The following WDFY3 variants were observed in gnomAD, a reference collection of about 807,000 sequenced individuals.
WDFY3 encodes WD repeat and FYVE domain containing 3.
A neutral mutation model predicts 409.6 loss-of-function variants in WDFY3; 66 were observed. The observed-to-expected ratio is 0.16, with a 90% CI of 0.13 to 0.20. The LOEUF is 0.20. Ranked by LOEUF, WDFY3 falls within the 10% of genes least tolerant of loss-of-function variation. The probability of loss-of-function intolerance (pLI) is 1.00; values close to 1 mark genes in which losing one functional copy is unlikely to be tolerated. For synonymous variants in WDFY3, 1,521 were observed against 1,537.1 expected, an observed-to-expected ratio of 0.99 and a Z score of 0.25; for missense variants, 3,031 against 4,298.1, an observed-to-expected ratio of 0.71 and a Z score of 8.24.
intron 61 of WDFY3, 95 bp downstream of exon 61, chr4:84,690,411 G>A (rs1446383676): frequency 1.3e-6 from 2 of 1,559,436 alleles, no homozygotes. Flanking sequence ...TAGATCTGAA[G>A]TACCTCAGAA....
At chr4:84,702,618 C>T in intron 55 of WDFY3, 112 bp from the exon 56 acceptor site, 2 of 882,070 alleles carry the variant, frequency 2.3e-6, no homozygotes, top group South Asian at 5.9e-5. Context: ...TTCAATTTCC[C>T]ATTATCCTAC....
At chr4:84,675,437 C>T (rs747490545) in intron 67 of WDFY3, among the ~76,000 whole-genome samples, 1 of 152,308 alleles carries the variant, frequency 6.6e-6, no homozygotes, top group Non-Finnish European at 1.5e-5. Flanking sequence ...CCTGTTTTGC[C>T]AGACTCTGAA....
At chr4:84,766,646 G>A (rs1486640578) in intron 30 of WDFY3, among the ~76,000 whole-genome samples, 1 of 152,026 alleles carries the variant, frequency 6.6e-6, no homozygotes, top group African/African-American at 2.4e-5. Flanking sequence ...TTCCCAGTAG[G>A]GGGAAAGTCA....
chr4:84,900,621 G>A (rs1766225815), intron 2 of WDFY3, among the ~76,000 whole-genome samples: 1 of 152,106 alleles, frequency 6.6e-6, no homozygotes, highest in African/African-American at 2.4e-5. Flanking sequence ...CATTTATATG[G>A]TGTTCTTGAA....
At chr4:84,677,495 G>A in intron 66 of WDFY3, 99 bp from the exon 67 acceptor site, 1 of 1,157,092 alleles carries the variant, frequency 8.6e-7, no homozygotes. Flanking sequence ...TTTGAGGTCG[G>A]GGCTGGTAAG....
intron 4 of WDFY3, among the ~76,000 whole-genome samples, chr4:84,858,181 T>C (rs1760036422): frequency 6.6e-6 from 1 of 152,188 alleles, no homozygotes. Context: ...CAAACACTTA[T>C]TAAGTGCTGT....
chr4:84,762,856 C>T (rs1168382692), intron 32 of WDFY3, among the ~76,000 whole-genome samples: 2 of 151,972 alleles, frequency 1.3e-5, no homozygotes, highest in African/African-American at 2.4e-5. Context: ...AATCAAAAGG[C>T]ATCTCAGCTA....
At chr4:84,946,591 C>T (rs1772858641) in intron 1 of WDFY3, among the ~76,000 whole-genome samples, 1 of 152,014 alleles carries the variant, frequency 6.6e-6, no homozygotes, top group Non-Finnish European at 1.5e-5. Context: ...GGGAGGAAAG[C>T]AAAGGGAAAG....
At chr4:84,797,808 T>C (rs1182214147) in intron 18 of WDFY3, among the ~76,000 whole-genome samples, 188 bp downstream of exon 18, 1 of 152,048 alleles carries the variant, frequency 6.6e-6, no homozygotes, top group African/African-American at 2.4e-5. Flanking sequence ...CCCGACCTCG[T>C]GATCCGCCCG....
At position 84,670,949 on chromosome 4, in the gene WDFY3, C is replaced by G. The variant is rs1660808553; in HGVS notation, c.*1919G>C. The G allele has an allele frequency of 6.6e-6, 1 of 152,468 alleles. No homozygotes were observed. The highest frequency in any genetic ancestry group is 2.4e-5 in the African/African-American group (1 of 41,386). 9.4% of individuals were successfully genotyped at this position (152,468 alleles called of 1,614,324 possible). On this transcript the variant is annotated 3_prime_UTR_variant, in exon 68 of 68. Coordinates refer to ENST00000295888, the MANE Select transcript of WDFY3 (RefSeq NM_014991.6). ...TTTTCTTTAAATTAAAGTATTAATG[C>G]CGATAATCCTTTTATTAACAAGTAT...
At chr4:84,848,415 A>G (rs1390067515) in intron 5 of WDFY3, among the ~76,000 whole-genome samples, 1 of 152,184 alleles carries the variant, frequency 6.6e-6, no homozygotes, top group Admixed American at 6.5e-5. Flanking sequence ...TTAAAGGATG[A>G]CTGATAATAA....
rs749143208 is a variant in WDFY3 at position 84,808,426 on chromosome 4, A to G, written c.2346-9T>C. ...GGATCTGTTCTGCACGACTACAGAC[A>G]ACAAAACAGACAGGGTGGTTTAGAG... On this transcript the variant is annotated splice_polypyrimidine_tract_variant and intron_variant, in intron 14 of 67. Coordinates refer to ENST00000295888, the MANE Select transcript of WDFY3 (RefSeq NM_014991.6). 2.5e-6 allele frequency: 4 copies of G among 1,613,172 alleles called. No homozygotes were observed. Among genetic ancestry groups the G allele is most frequent in the Admixed American group, 3.3e-5 (2 of 59,962 alleles).
At chr4:84,936,550 C>G (rs1771438736) in intron 1 of WDFY3, among the ~76,000 whole-genome samples, 1 of 151,936 alleles carries the variant, frequency 6.6e-6, no homozygotes, top group Non-Finnish European at 1.5e-5. Context: ...GCTTGAAGAT[C>G]AATGAGAAAA....
In WDFY3 at chr4:84,716,879, C is replaced by A; in HGVS notation, c.7875+17G>T. ...AATAAAGAAACATGATAAAACAGTA[C>A]TACTAAATTGACTCACCTGCAGGAG... On this transcript the variant is annotated intron_variant, in intron 49 of 67. Transcript: ENST00000295888. The A allele has an allele frequency of 6.4e-7, 1 of 1,562,102 alleles. No individual in the cohort carries two copies. The highest frequency in any genetic ancestry group is 8.7e-7 in the Non-Finnish European group (1 of 1,154,900).
intron 2 of WDFY3, among the ~76,000 whole-genome samples, chr4:84,918,569 T>C (rs1442505700): frequency 1.1e-4 from 16 of 152,058 alleles, no homozygotes. Context: ...CAGGGTAGCA[T>C]GTTGTTTTTG....
chr4:84,674,480 G>A (rs567610243), intron 67 of WDFY3, among the ~76,000 whole-genome samples: 2 of 152,176 alleles, frequency 1.3e-5, no homozygotes, highest in East Asian at 1.9e-4. Flanking sequence ...TGAGGTGGGA[G>A]GACTGCTTGA....
Position 84,963,661 on chromosome 4 carries a change from A to G in WDFY3, c.-226+2548T>C, listed in dbSNP as rs552590235. On this transcript the variant is annotated intron_variant, in intron 1 of 67. Coordinates refer to ENST00000295888, the MANE Select transcript of WDFY3 (RefSeq NM_014991.6). ...ATTGTATGCTATGATAATCTCAGATATACTTTGCAATTCTAACTAAAACAT... is the reference window on the plus strand; with the variant it reads ...ATTGTATGCTATGATAATCTCAGATGTACTTTGCAATTCTAACTAAAACAT... Among the ~76,000 whole-genome samples, 16 of 152,310 alleles carry G rather than the reference A, an allele frequency of 1.1e-4. No individual in the cohort carries two copies. The South Asian group carries it at 3.3e-3, about 32-fold the overall frequency.
chr4:84,753,635 C>G, intron 35 of WDFY3, 62 bp downstream of exon 35: 2 of 1,461,602 alleles, frequency 1.4e-6, no homozygotes, highest in Non-Finnish European at 1.8e-6. Flanking sequence ...ACCATTGAAA[C>G]AGACTAATTC....
chr4:84,961,212 T>C (rs915926445), intron 1 of WDFY3, among the ~76,000 whole-genome samples: 2 of 125,332 alleles, frequency 1.6e-5, no homozygotes, highest in South Asian at 2.5e-4. Flanking sequence ...CAAGACTCTG[T>C]CTCAAAAAAA....
Sources: allele counts gnomAD v4.1 joint callset (sites outside exome capture counted in the v4.1 genomes callset), GRCh38; gene constraint gnomAD v4.1.1; transcripts MANE v1.5; gene names NCBI Gene and HGNC (gene_info 2026-07-23, HGNC 2026-07-21).